The following COG5 variants were observed in gnomAD, a reference collection of about 807,000 sequenced individuals.
COG5 encodes component of oligomeric golgi complex 5, also known as conserved oligomeric Golgi complex subunit 5.
In COG5, 86 loss-of-function variants were observed where a neutral mutation model predicts 110.4. That is an observed-to-expected ratio of 0.78 (90% CI 0.65 to 0.93). The LOEUF is 0.93. Among genes scored for constraint, COG5 ranks in the 40% least tolerant of loss-of-function variants. The pLI, the probability that COG5 is intolerant of heterozygous loss-of-function variation, is 0.00. For synonymous variants in COG5, 360 were observed against 334.6 expected, an observed-to-expected ratio of 1.08 and a Z score of -0.83; for missense variants, 1,077 against 987.0, an observed-to-expected ratio of 1.09 and a Z score of -1.22.
At chr7:107,471,041 A>C (rs1468950179) in intron 6 of COG5, among the ~76,000 whole-genome samples, 1 of 152,058 alleles carries the variant, frequency 6.6e-6, no homozygotes, top group Non-Finnish European at 1.5e-5. Context: ...CAGTATGTTT[A>C]GTGTATGCTA....
At chr7:107,362,501 T>G (rs1813214524) in intron 8 of COG5, 81 bp from the exon 9 acceptor site, 2 of 844,620 alleles carry the variant, frequency 2.4e-6, no homozygotes, top group South Asian at 3.2e-5. Context: ...ATAAAAACCA[T>G]ACGCAAGCTA....
chr7:107,541,523 A>AATATATATATATAT (rs1554460370), intron 5 of COG5, among the ~76,000 whole-genome samples: 109 of 57,010 alleles, frequency 1.9e-3, no homozygotes, highest in African/African-American at 4.5e-3. Context: ...AAAAAAAAAA[A>AATATATATATATAT]ATATATATAT....
At chr7:107,344,373 CA>C (rs1288814517) in intron 10 of COG5, among the ~76,000 whole-genome samples, 5 of 152,186 alleles carry the variant, frequency 3.3e-5, no homozygotes, top group Non-Finnish European at 2.9e-5. Flanking sequence ...AGAAAATGTG[CA>C]GCTTCGTCAC....
intron 6 of COG5, among the ~76,000 whole-genome samples, chr7:107,431,814 C>T (rs1051618237): frequency 1.3e-5 from 2 of 152,036 alleles, no homozygotes; most frequent in Non-Finnish European, 2.9e-5. Flanking sequence ...CACCACCACA[C>T]CTAGCTAATT....
At chr7:107,533,500 G>A (rs1304080762) in intron 5 of COG5, among the ~76,000 whole-genome samples, 1 of 151,488 alleles carries the variant, frequency 6.6e-6, no homozygotes, top group African/African-American at 2.4e-5. Flanking sequence ...AAAAACAGCA[G>A]GAGAACTTCG....
At chr7:107,559,916 C>A (rs1393864290) in intron 1 of COG5, among the ~76,000 whole-genome samples, 1 of 152,156 alleles carries the variant, frequency 6.6e-6, no homozygotes, top group Non-Finnish European at 1.5e-5. Context: ...AGATGTGGTT[C>A]CAAAGGTTGG....
chr7:107,462,849 T>C (rs1252220483), intron 6 of COG5, among the ~76,000 whole-genome samples: 2 of 152,240 alleles, frequency 1.3e-5, no homozygotes, highest in East Asian at 1.9e-4. Context: ...CTGGCAACTA[T>C]AATTTGTTTT....
Position 107,353,406 on chromosome 7 carries a change from CAG to C in COG5, c.1026+8625_1026+8626del, listed in dbSNP as rs1812344384. On this transcript the variant is annotated intron_variant, in intron 10 of 21. Coordinates refer to ENST00000297135, the MANE Select transcript of COG5 (RefSeq NM_006348.5). ...CGCCACTGCACTCCAGCCTGGGCGA[CAG>C]AGCGAGACTCCGTCTCAAAAAAAAA... Among the ~76,000 whole-genome samples, 2 of 114,160 alleles carry C rather than the reference CAG, an allele frequency of 1.8e-5. 1 individual carries two copies. The highest frequency in any genetic ancestry group is 5.0e-4 in the East Asian group (2 of 4,038). The allele number at this position is 114,160 out of a possible 152,430, so 74.9% of individuals were successfully genotyped here. A position where few individuals can be genotyped will look rare whatever the true frequency, so the allele number is the denominator to read the frequency against.
chr7:107,561,850 C>A (rs533444724), intron 1 of COG5, among the ~76,000 whole-genome samples: 5 of 152,160 alleles, frequency 3.3e-5, no homozygotes, highest in African/African-American at 9.7e-5. Context: ...GTGATGGGCG[C>A]TTGTAGTCCC....
intron 5 of COG5, chr7:107,547,876 TGAA>T (rs1275445660): frequency 6.2e-6 from 3 of 480,848 alleles, no homozygotes; most frequent in African/African-American, 1.9e-5. Context: ...TGAAAGAAAT[TGAA>T]GAAGATATAA....
intron 18 of COG5, among the ~76,000 whole-genome samples, chr7:107,234,988 C>T (rs758486851): frequency 1.3e-5 from 2 of 152,212 alleles, no homozygotes; most frequent in Non-Finnish European, 2.9e-5. Flanking sequence ...TTAATGGTAA[C>T]GTTTAATCTC....
chr7:107,208,807 A>G, intron 21 of COG5: 1 of 985,486 alleles, frequency 1.0e-6, no homozygotes, highest in Non-Finnish European at 1.2e-6. Context: ...ACCAAGCTTG[A>G]GGGCTCAGGG....
At chr7:107,459,799 GA>G (rs34383052) in intron 6 of COG5, among the ~76,000 whole-genome samples, 25 of 145,142 alleles carry the variant, frequency 1.7e-4, no homozygotes, top group Admixed American at 6.2e-4. Context: ...CTGGCTCAGG[GA>G]AAAAAAAAAA....
At chr7:107,209,024 C>T (rs1489611675) in intron 21 of COG5, 10 of 978,244 alleles carry the variant, frequency 1.0e-5, no homozygotes, top group Middle Eastern at 1.0e-3. Context: ...GGTGAGAGAC[C>T]TGGGCACTAG....
intron 10 of COG5, among the ~76,000 whole-genome samples, chr7:107,331,825 T>A (rs1194981516): frequency 6.7e-6 from 1 of 150,182 alleles, no homozygotes; most frequent in Non-Finnish European, 1.5e-5. Context: ...CAAGTGGAGA[T>A]GACCCTGCTT....
chr7:107,505,315 G>T (rs985207373), intron 6 of COG5, among the ~76,000 whole-genome samples: 1 of 152,180 alleles, frequency 6.6e-6, no homozygotes, highest in African/African-American at 2.4e-5. Flanking sequence ...GAAGCTCTCA[G>T]TGAAACACAC....
intron 16 of COG5, among the ~76,000 whole-genome samples, chr7:107,249,751 T>C (rs1260125120): frequency 1.3e-5 from 2 of 150,072 alleles, no homozygotes; most frequent in Non-Finnish European, 3.0e-5. Flanking sequence ...TACATATAGT[T>C]TGCCCTCCAT....
At chr7:107,244,965 T>C (rs544404029) in intron 17 of COG5, among the ~76,000 whole-genome samples, 1 of 152,174 alleles carries the variant, frequency 6.6e-6, no homozygotes, top group East Asian at 1.9e-4. Flanking sequence ...GCCAGCATCA[T>C]CTTGATACCA....
chr7:107,255,165 G>A (rs527737157), intron 16 of COG5, among the ~76,000 whole-genome samples: 1 of 152,118 alleles, frequency 6.6e-6, no homozygotes, highest in Non-Finnish European at 1.5e-5. Context: ...AATTATAGAA[G>A]AGTATCCATT....
Sources: gnomAD v4.1 joint callset for allele counts (sites outside exome capture counted in the v4.1 genomes callset) on GRCh38, gnomAD v4.1.1 for gene constraint, MANE v1.5 for transcripts, NCBI Gene and HGNC (gene_info 2026-07-23, HGNC 2026-07-21) for gene names.